ANKS3: variants seen among roughly 807,000 people sequenced by gnomAD.
ANKS3 encodes the protein ankyrin repeat and sterile alpha motif domain containing 3, also known as ankyrin repeat and SAM domain-containing protein 3.
ANKS3 carries 62 observed loss-of-function variants against 80.7 expected under a neutral mutation model. The ratio of observed to expected loss-of-function variants is 0.77; its 90% confidence interval spans 0.63 to 0.95. The LOEUF (loss-of-function observed/expected upper bound fraction) is 0.95. Ranked by LOEUF, ANKS3 falls within the 40% of genes least tolerant of loss-of-function variation. ANKS3 has a pLI of 0.00. For missense variants in ANKS3, 1,150 were observed against 883.6 expected, an observed-to-expected ratio of 1.30 and a Z score of -3.82; for synonymous variants, 489 against 355.3, an observed-to-expected ratio of 1.38 and a Z score of -4.23.
At chr16:4,706,481 C>T (rs1278432527) in intron 7 of ANKS3, among the ~76,000 whole-genome samples, 3 of 152,186 alleles carry the variant, frequency 2.0e-5, no homozygotes, top group East Asian at 3.8e-4. Context: ...GTGATCCGCC[C>T]ACCTTGGCCT....
chr16:4,701,275 T>C (rs2079886979), intron 10 of ANKS3, 141 bp from the exon 11 acceptor site: 3 of 1,426,824 alleles, frequency 2.1e-6, no homozygotes, highest in East Asian at 2.4e-5. Context: ...GCGTTCGCTG[T>C]CGTCTGAGAA....
At chr16:4,697,500 A>G (rs2079631606) in intron 15 of ANKS3, 84 bp from the exon 16 acceptor site, 1 of 1,170,984 alleles carries the variant, frequency 8.5e-7, no homozygotes, top group Non-Finnish European at 1.2e-6. Context: ...TGCAACCAGG[A>G]GAACCTGCTT....
intron 6 of ANKS3, among the ~76,000 whole-genome samples, chr16:4,720,609 A>G (rs1052316511): frequency 2.6e-4 from 39 of 151,416 alleles, no homozygotes; most frequent in African/African-American, 8.7e-4. Flanking sequence ...TAAGCTCCTG[A>G]AGAAATTCCC....
intron 10 of ANKS3, 33 bp downstream of exon 10, chr16:4,701,401 G>C (rs749349115): frequency 6.4e-7 from 1 of 1,563,208 alleles, no homozygotes; most frequent in South Asian, 1.2e-5. Context: ...CCAGGGACCG[G>C]CTATGGGAGA....
intron 6 of ANKS3, among the ~76,000 whole-genome samples, chr16:4,719,524 C>T (rs995557015): frequency 2.6e-5 from 4 of 151,830 alleles, no homozygotes; most frequent in Non-Finnish European, 4.4e-5. Flanking sequence ...ATTATCTGGC[C>T]GGGCATGGTG....
intron 3 of ANKS3, 135 bp from the exon 4 acceptor site, chr16:4,727,312 G>A (rs2081405251): frequency 1.1e-6 from 1 of 874,564 alleles, no homozygotes; most frequent in Non-Finnish European, 1.8e-6. Flanking sequence ...GACGTTGTGG[G>A]GATTGGAGGC....
intron 3 of ANKS3, among the ~76,000 whole-genome samples, chr16:4,728,736 T>C (rs938113673): frequency 6.6e-6 from 1 of 152,174 alleles, no homozygotes; most frequent in Non-Finnish European, 1.5e-5. Flanking sequence ...GGAGCGGTTA[T>C]GGACTCTGCA....
At position 4,698,003 on chromosome 16, in the gene ANKS3, G is replaced by T; in HGVS notation, c.1784C>A (p.Thr595Asn). Residue 595 changes from threonine (T) to asparagine (N), a missense_variant, in exon 15 of 18, where the codon ACT (threonine) becomes AAT (asparagine). By Grantham distance (65) the Thr-to-Asn change is moderately conservative (BLOSUM62 0). Coordinates refer to ENST00000304283, the MANE Select transcript of ANKS3 (RefSeq NM_133450.4). Reference protein sequence around the residue: ...VRQDQPPGAATLGLAVPPADS... With the variant: ...VRQDQPPGAANLGLAVPPADS... ...AGCTGGGGGGACGGCTAGGCCCAGA[G>T]TGGCTGCACCAGGGGGCTGGTCCTG... The T allele has an allele frequency of 6.2e-7, 1 of 1,605,322 alleles. No individual in the cohort carries two copies. The highest frequency in any genetic ancestry group is 1.1e-5 in the South Asian group (1 of 89,532).
At chr16:4,713,598 C>A (rs2080617101) in intron 7 of ANKS3, among the ~76,000 whole-genome samples, 1 of 152,164 alleles carries the variant, frequency 6.6e-6, no homozygotes, top group Non-Finnish European at 1.5e-5. Context: ...TACATTGGAA[C>A]AAGAAGTCAT....
chr16:4,734,022 C>T lies in ANKS3; in HGVS notation c.-155G>A. 1 of 985,424 alleles carries T rather than the reference C, an allele frequency of 1.0e-6. No homozygotes were observed. The highest frequency in any genetic ancestry group is 1.2e-6 in the Non-Finnish European group (1 of 829,882). The allele number at this position is 985,424 out of a possible 1,614,324, so 61.0% of individuals were successfully genotyped here. A position where few individuals can be genotyped will look rare whatever the true frequency, so the allele number is the denominator to read the frequency against. On this transcript the variant is annotated 5_prime_UTR_variant, in exon 1 of 18. The change creates a premature stop within an existing upstream ORF in the 5' untranslated region. Coordinates refer to ENST00000304283, the MANE Select transcript of ANKS3 (RefSeq NM_133450.4). ...GGGCATTACTGTGCCCCCACCACAACCACATAAAGAAAATGTGGGGGCTCG... is the reference window on the plus strand; with the variant it reads ...GGGCATTACTGTGCCCCCACCACAATCACATAAAGAAAATGTGGGGGCTCG...
At chr16:4,698,660 C>T (rs755837642) in intron 13 of ANKS3, 61 bp from the exon 14 acceptor site, 33 of 1,528,946 alleles carry the variant, frequency 2.2e-5, no homozygotes, top group Non-Finnish European at 2.9e-5. Flanking sequence ...AGACCCTTGG[C>T]CACGGCCCTG....
intron 6 of ANKS3, among the ~76,000 whole-genome samples, chr16:4,715,784 A>T (rs1426799991): frequency 6.6e-6 from 1 of 151,158 alleles, no homozygotes; most frequent in African/African-American, 2.4e-5. Context: ...TTTAAAATGT[A>T]CTACCATAAG....
At chr16:4,718,030 A>T in intron 6 of ANKS3, among the ~76,000 whole-genome samples, 1 of 151,212 alleles carries the variant, frequency 6.6e-6, no homozygotes, top group Non-Finnish European at 1.5e-5. Context: ...CTGCCTTGGC[A>T]TCCCAAAGTG....
Position 4,697,434 on chromosome 16 carries a change from G to C in ANKS3, c.1811-18C>G. ...CTTGGAGTCTGTGGTGCAGGTGCAG[G>C]GACCGAGTTAGCTGGGGGTCTGCGT... On this transcript the variant is annotated intron_variant, in intron 15 of 17. Coordinates refer to ENST00000304283, the MANE Select transcript of ANKS3 (RefSeq NM_133450.4). 1 of 1,577,980 alleles carries C rather than the reference G, an allele frequency of 6.3e-7. No homozygotes were observed. The highest frequency in any genetic ancestry group is 8.6e-7 in the Non-Finnish European group (1 of 1,162,586).
At chr16:4,724,581 T>C (rs901701126) in intron 6 of ANKS3, among the ~76,000 whole-genome samples, 169 bp downstream of exon 6, 4 of 152,236 alleles carry the variant, frequency 2.6e-5, no homozygotes, top group South Asian at 4.1e-4. Flanking sequence ...GTATCCTTAA[T>C]GCCTAAGCAC....
chr16:4,699,537 G>A (rs929824091), intron 11 of ANKS3: 3 of 259,580 alleles, frequency 1.2e-5, no homozygotes, highest in African/African-American at 4.3e-5. Flanking sequence ...CGGATGTTCT[G>A]ATTTCCACTT....
intron 6 of ANKS3, among the ~76,000 whole-genome samples, chr16:4,723,895 A>C (rs1314627053): frequency 2.0e-5 from 3 of 151,978 alleles, no homozygotes; most frequent in Non-Finnish European, 4.4e-5. Flanking sequence ...TCTACCAAAA[A>C]AAAAAAATTA....
chr16:4,699,228 G>A (rs1188352560), intron 11 of ANKS3, 52 bp from the exon 12 acceptor site: 1 of 1,598,892 alleles, frequency 6.3e-7, no homozygotes, highest in Admixed American at 1.7e-5. Context: ...CGACGAAGCA[G>A]AGACGTTTTC....
chr16:4,724,359 G>A lies in ANKS3; in HGVS notation c.573+391C>T, dbSNP rs192632248. 6.6e-5 allele frequency among the ~76,000 whole-genome samples: 10 copies of A among 152,332 alleles called. No individual in the cohort carries two copies. In the East Asian group the frequency reaches 1.2e-3, roughly 18 times the overall value. On this transcript the variant is annotated intron_variant, in intron 6 of 17. Transcript: ENST00000304283. Reference sequence around the variant, plus strand: ...TTGCCTACAGACACATCTTTCCACAGCAGAGGAAAAGTCCTAGGGCAGCTC... The same window carrying A: ...TTGCCTACAGACACATCTTTCCACAACAGAGGAAAAGTCCTAGGGCAGCTC...
Sources: allele counts gnomAD v4.1 joint callset (sites outside exome capture counted in the v4.1 genomes callset), GRCh38; gene constraint gnomAD v4.1.1; transcripts MANE v1.5; gene names NCBI Gene and HGNC (gene_info 2026-07-23, HGNC 2026-07-21).